The following ASAP1 variants were observed in gnomAD, a reference collection of about 807,000 sequenced individuals.
ASAP1 encodes the protein ArfGAP with SH3 domain, ankyrin repeat and PH domain 1.
ASAP1 carries 43 observed loss-of-function variants against 145.2 expected under a neutral mutation model. The observed-to-expected ratio is 0.30, with a 90% confidence interval of 0.23 to 0.38. The LOEUF (loss-of-function observed/expected upper bound fraction) is 0.38. Among genes scored for constraint, ASAP1 ranks in the 10% least tolerant of loss-of-function variants. ASAP1 has a pLI of 1.00. For missense variants in ASAP1, 1,018 were observed against 1,355.3 expected, an observed-to-expected ratio of 0.75 and a Z score of 3.91; for synonymous variants, 546 against 515.5, an observed-to-expected ratio of 1.06 and a Z score of -0.80.
At chr8:130,308,108 T>C (rs969983580) in intron 3 of ASAP1, among the ~76,000 whole-genome samples, 2 of 152,222 alleles carry the variant, frequency 1.3e-5, no homozygotes, top group Admixed American at 6.5e-5. Flanking sequence ...ATTATAGAAA[T>C]ATTTTAAATG....
In ASAP1 at chr8:130,118,152, A is replaced by C; in HGVS notation, c.1880+9T>G. The stretch of plus-strand genomic sequence containing the variant: ...TCAGGTAATTCAACAGAGAAAACAA[A>C]AACGATACCAGTTTTGTACAAGGAA... On this transcript the variant is annotated intron_variant, in intron 20 of 29. Transcript: ENST00000518721. 1 of 1,612,506 alleles carries C rather than the reference A, an allele frequency of 6.2e-7. No homozygotes were observed. The highest frequency in any genetic ancestry group is 8.5e-7 in the Non-Finnish European group (1 of 1,178,798).
chr8:130,056,123 A>G (rs1008980033), intron 29 of ASAP1, among the ~76,000 whole-genome samples: 6 of 152,272 alleles, frequency 3.9e-5, no homozygotes, highest in African/African-American at 1.4e-4. Flanking sequence ...AACAGATTAC[A>G]AAGTGAGTTC....
At chr8:130,184,782 A>T (rs1176288822) in intron 7 of ASAP1, among the ~76,000 whole-genome samples, 1 of 152,236 alleles carries the variant, frequency 6.6e-6, no homozygotes, top group Non-Finnish European at 1.5e-5. Flanking sequence ...AACTTAGTAG[A>T]AACTATTTAT....
chr8:130,414,125 G>C (rs567319434), intron 1 of ASAP1, among the ~76,000 whole-genome samples: 71 of 152,336 alleles, frequency 4.7e-4, no homozygotes, highest in Non-Finnish European at 7.9e-4. Context: ...GGATGAACAG[G>C]AGTACACCAG....
At chr8:130,268,387 T>G (rs1358057656) in intron 3 of ASAP1, among the ~76,000 whole-genome samples, 2 of 151,814 alleles carry the variant, frequency 1.3e-5, no homozygotes, top group Non-Finnish European at 2.9e-5. Context: ...CTTGGGAGAC[T>G]GAGGTGGGAG....
At chr8:130,293,538 A>C (rs983551804) in intron 3 of ASAP1, among the ~76,000 whole-genome samples, 2 of 152,234 alleles carry the variant, frequency 1.3e-5, no homozygotes, top group African/African-American at 4.8e-5. Flanking sequence ...TTAGAATGAC[A>C]GTACAAGGTC....
At chr8:130,166,395 C>T (rs1387845999) in intron 11 of ASAP1, among the ~76,000 whole-genome samples, 1 of 152,154 alleles carries the variant, frequency 6.6e-6, no homozygotes, top group Non-Finnish European at 1.5e-5. Context: ...TTATCCTTAT[C>T]ATGAAGTCTA....
intron 16 of ASAP1, 83 bp from the exon 17 acceptor site, chr8:130,126,172 G>T (rs1235060618): frequency 2.3e-6 from 3 of 1,286,210 alleles, no homozygotes; most frequent in Admixed American, 2.5e-5. Context: ...TAAAACAGTA[G>T]TACAAATTGT....
At chr8:130,404,581 C>T (rs1828942194) in intron 1 of ASAP1, among the ~76,000 whole-genome samples, 1 of 152,192 alleles carries the variant, frequency 6.6e-6, no homozygotes, top group South Asian at 2.1e-4. Flanking sequence ...CCAGCCTGCT[C>T]CTCAGTTTAT....
chr8:130,180,737 A>C lies in ASAP1; in HGVS notation c.660+14T>G. 1 of 1,599,510 alleles carries C rather than the reference A, an allele frequency of 6.3e-7. No homozygotes were observed. The highest frequency in any genetic ancestry group is 8.5e-7 in the Non-Finnish European group (1 of 1,176,228). On this transcript the variant is annotated intron_variant, in intron 8 of 29. Transcript: ENST00000518721. ...TTATAATTCTAGGCAAATGGTGGAA[A>C]AGTCCATTCTTACTTCACACATTTG... is the stretch of plus-strand genomic sequence containing the variant.
chr8:130,436,751 T>C (rs1200341659), intron 1 of ASAP1, among the ~76,000 whole-genome samples: 1 of 151,954 alleles, frequency 6.6e-6, no homozygotes, highest in East Asian at 1.9e-4. Context: ...CAGTGTGCTA[T>C]ATTTGTGCCA....
chr8:130,441,433 C>T (rs1830484931), intron 1 of ASAP1, among the ~76,000 whole-genome samples: 1 of 152,170 alleles, frequency 6.6e-6, no homozygotes, highest in African/African-American at 2.4e-5. Context: ...TTCCGGAGCC[C>T]ATGCCAGATA....
chr8:130,295,792 A>T (rs143777301), intron 3 of ASAP1, among the ~76,000 whole-genome samples: 6 of 151,998 alleles, frequency 3.9e-5, no homozygotes, highest in African/African-American at 1.4e-4. Context: ...TTTTTTTCCT[A>T]TCAATCCCTA....
intron 3 of ASAP1, among the ~76,000 whole-genome samples, chr8:130,256,738 CTTATATATATATATATATAT>C (rs1323420579): frequency 4.0e-4 from 28 of 70,820 alleles, no homozygotes; most frequent in South Asian, 2.7e-3. Flanking sequence ...TATACACATT[CTTATATATATATATATATAT>C]ATATATATAT....
At chr8:130,164,423 T>G (rs952275932) in intron 11 of ASAP1, among the ~76,000 whole-genome samples, 2 of 152,096 alleles carry the variant, frequency 1.3e-5, no homozygotes. Flanking sequence ...AACCCCGGTC[T>G]CTACTAAAAA....
chr8:130,148,387 C>T (rs776814408), intron 13 of ASAP1, among the ~76,000 whole-genome samples: 32 of 152,180 alleles, frequency 2.1e-4, no homozygotes, highest in Non-Finnish European at 3.8e-4. Flanking sequence ...ACTAAGTACA[C>T]GTCAGGCAAT....
chr8:130,404,712 T>C (rs1374361444), intron 1 of ASAP1, among the ~76,000 whole-genome samples: 1 of 152,242 alleles, frequency 6.6e-6, no homozygotes, highest in Non-Finnish European at 1.5e-5. Context: ...CCCTTTGTCA[T>C]GGGACTTTGT....
At position 130,358,280 on chromosome 8, in the gene ASAP1, C is replaced by G. The variant is rs571647272; in HGVS notation, c.60-137G>C. 1 of 556,054 alleles carries G rather than the reference C, an allele frequency of 1.8e-6. No homozygotes were observed. Among genetic ancestry groups the G allele is most frequent in the Non-Finnish European group, 2.4e-6 (1 of 420,966 alleles). The allele number at this position is 556,054 out of a possible 1,614,324, so 34.4% of individuals were successfully genotyped here. A position where few individuals can be genotyped will look rare whatever the true frequency, so the allele number is the denominator to read the frequency against. ...GCCGCCCGGCCTGGCGCGCGGCTCC[C>G]GTCCCCGGCAGCGGCGAGAGGGAGG... On this transcript the variant is annotated intron_variant, in intron 2 of 29. Coordinates refer to ENST00000518721, the MANE Select transcript of ASAP1 (RefSeq NM_018482.4). The surrounding 1 kb of genome is among the most constrained non-coding windows in gnomAD (Gnocchi z 4.1).
intron 27 of ASAP1, among the ~76,000 whole-genome samples, chr8:130,072,831 G>GCGTGTGCGTGCGCGCGCGC (rs58907739): frequency 9.0e-6 from 1 of 110,704 alleles, no homozygotes; most frequent in African/African-American, 3.6e-5. Context: ...GTGTGCGCGC[G>GCGTGTGCGTGCGCGCGCGC]GGGGGGGGCA....
Sources: allele counts gnomAD v4.1 joint callset (sites outside exome capture counted in the v4.1 genomes callset), GRCh38; gene constraint gnomAD v4.1.1; non-coding constraint Gnocchi (gnomAD v3.1); transcripts MANE v1.5; gene names NCBI Gene and HGNC (gene_info 2026-07-23, HGNC 2026-07-21).